MAP7: variants seen among roughly 807,000 people sequenced by gnomAD.
MAP7 encodes the protein microtubule associated protein 7.
Under a neutral mutation model 94.8 loss-of-function variants are expected in MAP7, and 52 were observed. The ratio of observed to expected loss-of-function variants is 0.55; its 90% CI spans 0.44 to 0.69. The LOEUF (loss-of-function observed/expected upper bound fraction) is 0.69. MAP7 is among the 30% of genes least tolerant of loss of function. MAP7 has a pLI of 0.00. For synonymous variants in MAP7, 350 were observed against 357.0 expected (o/e 0.98, Z 0.22); for missense variants, 940 against 964.6 (o/e 0.97, Z 0.34).
chr6:136,349,781 G>A (rs1166138551), intron 16 of MAP7, among the ~76,000 whole-genome samples: 1 of 152,138 alleles, frequency 6.6e-6, no homozygotes, highest in Admixed American at 6.5e-5. Flanking sequence ...GAAAAGAGAT[G>A]GGCAAGAAAA....
intron 1 of MAP7, among the ~76,000 whole-genome samples, chr6:136,476,438 G>A (rs1040571710): frequency 6.6e-6 from 1 of 152,140 alleles, no homozygotes; most frequent in Non-Finnish European, 1.5e-5. Context: ...TGGCTTTGAA[G>A]TTCCTTTTAA....
chr6:136,484,258 C>T (rs1232433122), intron 1 of MAP7, among the ~76,000 whole-genome samples: 2 of 152,154 alleles, frequency 1.3e-5, no homozygotes, highest in East Asian at 3.8e-4. Flanking sequence ...ATTTCTCATA[C>T]TTTTTCTCCT....
chr6:136,534,277 C>T (rs957292908), intron 1 of MAP7, among the ~76,000 whole-genome samples: 12 of 152,188 alleles, frequency 7.9e-5, no homozygotes, highest in Non-Finnish European at 1.8e-4. Context: ...GGCTGGCAGG[C>T]TCGAAACTCA....
chr6:136,518,939 C>A lies in MAP7; in HGVS notation c.67+31403G>T, dbSNP rs576142218. On this transcript the variant is annotated intron_variant, in intron 1 of 17. Transcript: ENST00000354570. ...TGGAAACAGGCACACAATTTTTCAG[C>A]CTTTTAGTTTTATATAGCAAGCAAA... Among the ~76,000 whole-genome samples, 13 of 152,234 alleles carry A rather than the reference C, an allele frequency of 8.5e-5. No homozygotes were observed. The South Asian group carries it at 2.5e-3, about 29-fold the overall frequency.
chr6:136,414,554 T>G lies in MAP7; in HGVS notation c.167-2857A>C, dbSNP rs550490630. ...GGCATTTTAAAGAAAGAACTCGGGATAAAAGTCAAGATGAAGTTAAAAGAA... is the reference window on the plus strand; with the variant it reads ...GGCATTTTAAAGAAAGAACTCGGGAGAAAAGTCAAGATGAAGTTAAAAGAA... On this transcript the variant is annotated intron_variant, in intron 2 of 17. Transcript: ENST00000354570. 5.3e-5 allele frequency among the ~76,000 whole-genome samples: 8 copies of G among 152,168 alleles called. No homozygotes were observed. In the South Asian group the frequency reaches 1.7e-3, roughly 32 times the overall value.
intron 1 of MAP7, among the ~76,000 whole-genome samples, chr6:136,485,561 T>C (rs1255497674): frequency 7.2e-6 from 1 of 139,736 alleles, no homozygotes; most frequent in African/African-American, 2.8e-5. Flanking sequence ...TCAGATTTTT[T>C]TTTTTTTTTT....
intron 1 of MAP7, among the ~76,000 whole-genome samples, chr6:136,451,898 T>C (rs1200041960): frequency 6.6e-6 from 1 of 152,138 alleles, no homozygotes; most frequent in Admixed American, 6.6e-5. Context: ...TGCAATCTCA[T>C]GATAAAATGT....
intron 16 of MAP7, among the ~76,000 whole-genome samples, chr6:136,355,257 CT>C (rs199649689): frequency 6.7e-6 from 1 of 149,286 alleles, no homozygotes; most frequent in Admixed American, 6.7e-5. Flanking sequence ...ATCTTTTATT[CT>C]TTTTTTTTTA....
intron 16 of MAP7, among the ~76,000 whole-genome samples, chr6:136,350,442 A>T (rs1788838593): frequency 6.6e-6 from 1 of 152,238 alleles, no homozygotes; most frequent in African/African-American, 2.4e-5. Context: ...TTTGTCATTT[A>T]AAGTTTTTAA....
At chr6:136,481,672 A>G (rs761186049) in intron 1 of MAP7, among the ~76,000 whole-genome samples, 3 of 152,218 alleles carry the variant, frequency 2.0e-5, no homozygotes, top group Non-Finnish European at 4.4e-5. Context: ...GTACAGAAAA[A>G]TAACTAGAAT....
chr6:136,469,354 G>A (rs1165130163), intron 1 of MAP7, among the ~76,000 whole-genome samples: 3 of 141,216 alleles, frequency 2.1e-5, no homozygotes, highest in African/African-American at 7.8e-5. Flanking sequence ...TTTCTTGCTT[G>A]CTTGCTTTCT....
chr6:136,509,988 G>T (rs1265529596), intron 1 of MAP7, among the ~76,000 whole-genome samples: 1 of 152,208 alleles, frequency 6.6e-6, no homozygotes, highest in Admixed American at 6.5e-5. Context: ...GATCACCTGA[G>T]GTCAGGAGTT....
intron 1 of MAP7, among the ~76,000 whole-genome samples, chr6:136,540,914 T>C (rs927250913): frequency 6.6e-6 from 1 of 152,212 alleles, no homozygotes; most frequent in African/African-American, 2.4e-5. Context: ...GAGCCAATGA[T>C]GTGAATCAAT....
intron 1 of MAP7, among the ~76,000 whole-genome samples, chr6:136,448,415 A>ATTT (rs755365926): frequency 7.1e-6 from 1 of 141,364 alleles, no homozygotes; most frequent in Admixed American, 7.2e-5. Flanking sequence ...AATGACTACG[A>ATTT]TTTTTTTTTT....
chr6:136,445,103 T>C (rs770271630), intron 1 of MAP7, among the ~76,000 whole-genome samples: 2 of 152,178 alleles, frequency 1.3e-5, no homozygotes, highest in Non-Finnish European at 2.9e-5. Context: ...CCACCCCACA[T>C]TATGCCAATT....
At chr6:136,502,727 T>G (rs1820157196) in intron 1 of MAP7, among the ~76,000 whole-genome samples, 1 of 152,204 alleles carries the variant, frequency 6.6e-6, no homozygotes, top group Non-Finnish European at 1.5e-5. Context: ...CAATAATAAT[T>G]ACACTTAGTT....
chr6:136,381,923 G>C (rs62431304), intron 6 of MAP7, among the ~76,000 whole-genome samples: 105 of 92,400 alleles, frequency 1.1e-3, no homozygotes, highest in South Asian at 3.4e-3. Context: ...CACACACAGA[G>C]AGAGAGAGAG....
intron 3 of MAP7, among the ~76,000 whole-genome samples, chr6:136,393,331 T>C (rs965444896): frequency 9.2e-5 from 14 of 152,164 alleles, no homozygotes; most frequent in Admixed American, 6.5e-5. Context: ...TGAGAAGGCA[T>C]ACTCATAATT....
At chr6:136,350,262 A>G (rs755376468) in intron 16 of MAP7, among the ~76,000 whole-genome samples, 7 of 152,196 alleles carry the variant, frequency 4.6e-5, no homozygotes, top group Non-Finnish European at 1.0e-4. Flanking sequence ...GGAGGGATCT[A>G]TAACTCTACT....
Sources: gnomAD v4.1 joint callset for allele counts (sites outside exome capture counted in the v4.1 genomes callset) on GRCh38, gnomAD v4.1.1 for gene constraint, MANE v1.5 for transcripts, NCBI Gene and HGNC (gene_info 2026-07-23, HGNC 2026-07-21) for gene names.